PRR16: variants seen among roughly 807,000 people sequenced by gnomAD.
The protein encoded by PRR16 is protein Largen.
Under a neutral mutation model 18.2 loss-of-function variants are expected in PRR16, and 6 were observed. That is an observed-to-expected ratio of 0.33 (90% CI 0.18 to 0.65). The LOEUF (loss-of-function observed/expected upper bound fraction) is 0.65, where lower values mean the gene tolerates loss of function less well. PRR16 is among the 30% of genes least tolerant of loss of function. PRR16 has a pLI of 0.74. For synonymous variants in PRR16, 151 were observed against 147.8 expected (o/e 1.02, Z -0.16); for missense variants, 412 against 376.6 (o/e 1.09, Z -0.78).
At chr5:120,581,144 C>G (rs1753258277) in intron 1 of PRR16, among the ~76,000 whole-genome samples, 1 of 152,136 alleles carries the variant, frequency 6.6e-6, no homozygotes, top group African/African-American at 2.4e-5. Flanking sequence ...GTAAATCCGT[C>G]TGGTCAGGGG....
At chr5:120,785,589 T>TTTTTTTTTTTTTTTTG in the PRR16 span, among the ~76,000 whole-genome samples, 4 of 144,098 alleles carry the variant, frequency 2.8e-5, no homozygotes, top group Admixed American at 6.9e-5. Context: ...TTTTTTTTTT[T>TTTTTTTTTTTTTTTTG]TGAGACAGAG....
chr5:120,703,135 T>G, the PRR16 span, among the ~76,000 whole-genome samples: 1 of 151,398 alleles, frequency 6.6e-6, no homozygotes, highest in East Asian at 1.9e-4. Flanking sequence ...TCAAAGGGGG[T>G]TTGTTCTCTG....
intron 1 of PRR16, among the ~76,000 whole-genome samples, chr5:120,557,934 G>A (rs1035986546): frequency 6.6e-6 from 1 of 151,750 alleles, no homozygotes; most frequent in African/African-American, 2.4e-5. Flanking sequence ...TTGGGTTAAG[G>A]TTTAGATTTA....
At chr5:120,605,038 G>T (rs1272801351) in intron 1 of PRR16, among the ~76,000 whole-genome samples, 1 of 152,110 alleles carries the variant, frequency 6.6e-6, no homozygotes, top group Non-Finnish European at 1.5e-5. Flanking sequence ...GTCTTGTGTA[G>T]TATCTTACAG....
chr5:120,706,688 A>G, the PRR16 span, among the ~76,000 whole-genome samples: 5 of 152,234 alleles, frequency 3.3e-5, no homozygotes, highest in Non-Finnish European at 7.3e-5. Context: ...TAATTCTCAT[A>G]ATAACTCTTG....
At chr5:120,683,501 C>CAA (rs11385880) in intron 1 of PRR16, among the ~76,000 whole-genome samples, 203 of 112,010 alleles carry the variant, frequency 1.8e-3, no homozygotes, top group African/African-American at 3.3e-3. Context: ...CACTCCGTCT[C>CAA]AAAAAAAAAA....
At chr5:120,640,291 C>G (rs1453003439) in intron 1 of PRR16, among the ~76,000 whole-genome samples, 6 of 59,654 alleles carry the variant, frequency 1.0e-4, no homozygotes, top group Non-Finnish European at 1.6e-4. Flanking sequence ...ACCCCTGAAC[C>G]TAAAATAAAA....
At position 120,686,268 on chromosome 5, in the gene PRR16, C is replaced by T. The variant is rs763380124; in HGVS notation, c.474C>T (p.Gly158=). The change falls in exon 2 of 2, where the codon GGC becomes GGT. Residue 158 remains glycine (G), a synonymous_variant. Transcript: ENST00000407149. The part of the protein sequence containing the change: ...KTNGTLLRNG[G]LPGGPNKIPN... The stretch of plus-strand genomic sequence containing the variant: ...ATGGCACCCTTCTACGAAATGGAGG[C>T]TTACCAGGTGGACCTAACAAAATTC... 1.2e-6 allele frequency: 2 copies of T among 1,614,088 alleles called. No homozygotes were observed. The highest frequency in any genetic ancestry group is 2.2e-5 in the South Asian group (2 of 91,082).
intron 1 of PRR16, among the ~76,000 whole-genome samples, chr5:120,480,581 G>A (rs1174286357): frequency 2.6e-5 from 4 of 152,098 alleles, no homozygotes; most frequent in Admixed American, 6.5e-5. Flanking sequence ...GTACTATACA[G>A]ATTAGCTGTT....
intron 1 of PRR16, among the ~76,000 whole-genome samples, chr5:120,637,139 G>A (rs1351613984): frequency 6.6e-6 from 1 of 151,838 alleles, no homozygotes; most frequent in Non-Finnish European, 1.5e-5. Context: ...AATAATAGAT[G>A]ATGGCATGGA....
At chr5:120,537,104 C>A (rs1404781793) in intron 1 of PRR16, among the ~76,000 whole-genome samples, 1 of 152,106 alleles carries the variant, frequency 6.6e-6, no homozygotes, top group African/African-American at 2.4e-5. Context: ...AGGCTTAATA[C>A]CTGGGTCATG....
intron 1 of PRR16, among the ~76,000 whole-genome samples, chr5:120,544,995 T>A (rs1172133008): frequency 6.6e-6 from 1 of 152,166 alleles, no homozygotes; most frequent in African/African-American, 2.4e-5. Flanking sequence ...ATATTTATTG[T>A]TTGCTGATGA....
chr5:120,572,678 C>T (rs1752946272), intron 1 of PRR16, among the ~76,000 whole-genome samples: 2 of 152,028 alleles, frequency 1.3e-5, no homozygotes, highest in Non-Finnish European at 2.9e-5. Context: ...GAGAGATCTA[C>T]TTACTGTGCC....
the PRR16 span, among the ~76,000 whole-genome samples, chr5:120,750,398 C>G: frequency 6.6e-6 from 1 of 151,998 alleles, no homozygotes; most frequent in South Asian, 2.1e-4. Context: ...GTGGCTCACA[C>G]CTGTAATCCC....
At chr5:120,542,001 C>T (rs1032448324) in intron 1 of PRR16, among the ~76,000 whole-genome samples, 7 of 151,892 alleles carry the variant, frequency 4.6e-5, no homozygotes, top group Non-Finnish European at 1.0e-4. Flanking sequence ...TCTTGATACT[C>T]CCTTGTTGAA....
chr5:120,562,894 A>G (rs746921043), intron 1 of PRR16, among the ~76,000 whole-genome samples: 4 of 152,052 alleles, frequency 2.6e-5, no homozygotes, highest in Admixed American at 1.3e-4. Context: ...TAGTCTTTCT[A>G]TTTAAGAGTA....
intron 1 of PRR16, among the ~76,000 whole-genome samples, chr5:120,528,348 C>T (rs778476686): frequency 2.0e-5 from 3 of 152,074 alleles, no homozygotes; most frequent in Non-Finnish European, 2.9e-5. Flanking sequence ...TGTTACCTTA[C>T]GAAGACCTGC....
intron 1 of PRR16, among the ~76,000 whole-genome samples, chr5:120,541,878 T>A (rs1461953184): frequency 1.3e-5 from 2 of 152,130 alleles, no homozygotes; most frequent in African/African-American, 4.8e-5. Flanking sequence ...CCTATTCTCT[T>A]GATCATTTTT....
At chr5:120,785,434 C>T in the PRR16 span, among the ~76,000 whole-genome samples, 1 of 152,000 alleles carries the variant, frequency 6.6e-6, no homozygotes, top group African/African-American at 2.4e-5. Context: ...CTTTGACTGC[C>T]TTTCATTTTC....
Sources: allele counts gnomAD v4.1 joint callset (sites outside exome capture counted in the v4.1 genomes callset), GRCh38; gene constraint gnomAD v4.1.1; transcripts MANE v1.5; gene names NCBI Gene and HGNC (gene_info 2026-07-23, HGNC 2026-07-21).